SHC3: variants seen among roughly 807,000 people sequenced by gnomAD.
SHC3 encodes the protein SHC-transforming protein 3.
SHC3 carries 15 observed loss-of-function variants against 60.4 expected under a neutral mutation model. The observed-to-expected ratio is 0.25, with a 90% CI of 0.17 to 0.38. SHC3 has a LOEUF of 0.38. SHC3 is among the 10% of genes least tolerant of loss of function. The pLI is 1.00. For missense variants in SHC3, 677 were observed against 786.1 expected (o/e 0.86, Z 1.66); for synonymous variants, 294 against 325.9 (o/e 0.90, Z 1.05).
chr9:89,013,344 G>A lies in SHC3; in HGVS notation c.*103C>T. 7.5e-7 allele frequency: 1 copy of A among 1,338,966 alleles called. No individual in the cohort carries two copies. Among genetic ancestry groups the A allele is most frequent in the Non-Finnish European group, 9.7e-7 (1 of 1,026,374 alleles). The allele number at this position is 1,338,966 out of a possible 1,614,324, so 82.9% of individuals were successfully genotyped here. ...CTTCCTTTTGAAGCTTTTGAAGAAG[G>A]CTCTGAGCCACAGGCAGCTGTCCCA... On this transcript the variant is annotated 3_prime_UTR_variant, in exon 12 of 12. Transcript: ENST00000375835.
intron 1 of SHC3, among the ~76,000 whole-genome samples, chr9:89,140,510 A>T (rs1826378268): frequency 1.3e-5 from 2 of 152,196 alleles, no homozygotes. Context: ...AAGCATGCAC[A>T]GCTGAGTATT....
intron 1 of SHC3, among the ~76,000 whole-genome samples, chr9:89,149,945 C>T (rs1826522020): frequency 6.6e-6 from 1 of 152,184 alleles, no homozygotes. Flanking sequence ...CTATACTACC[C>T]ATCCCTTAGT....
chr9:89,130,669 G>A (rs746923387), intron 1 of SHC3, among the ~76,000 whole-genome samples: 11 of 152,078 alleles, frequency 7.2e-5, no homozygotes, highest in Non-Finnish European at 1.6e-4. Flanking sequence ...ATGACTACTG[G>A]GTACATAATG....
intron 2 of SHC3, among the ~76,000 whole-genome samples, chr9:89,094,828 G>A (rs977522128): frequency 1.1e-4 from 17 of 152,086 alleles, no homozygotes; most frequent in Non-Finnish European, 2.9e-5. Context: ...CATGCCCAGG[G>A]ACTTTGGGAT....
At chr9:89,047,201 T>G (rs554975238) in intron 7 of SHC3, among the ~76,000 whole-genome samples, 1 of 152,376 alleles carries the variant, frequency 6.6e-6, no homozygotes, top group Non-Finnish European at 1.5e-5. Context: ...TTGGAACATT[T>G]CAATCATGTT....
At chr9:89,049,645 G>T (rs971521416) in intron 7 of SHC3, among the ~76,000 whole-genome samples, 8 of 152,194 alleles carry the variant, frequency 5.3e-5, no homozygotes, top group African/African-American at 1.9e-4. Flanking sequence ...TTAGCCTAAA[G>T]CTACCTCCTT....
chr9:89,131,082 ACC>A (rs1826237372), intron 1 of SHC3, among the ~76,000 whole-genome samples: 1 of 152,234 alleles, frequency 6.6e-6, no homozygotes, highest in African/African-American at 2.4e-5. Context: ...GGATATCACC[ACC>A]TATCCCACAG....
intron 1 of SHC3, among the ~76,000 whole-genome samples, chr9:89,140,716 A>G (rs1826380795): frequency 6.6e-6 from 1 of 152,024 alleles, no homozygotes; most frequent in Admixed American, 6.6e-5. Context: ...TTTCATGAGG[A>G]AAAAAAAGAG....
At chr9:89,148,746 G>C (rs1826505287) in intron 1 of SHC3, among the ~76,000 whole-genome samples, 1 of 152,158 alleles carries the variant, frequency 6.6e-6, no homozygotes, top group Non-Finnish European at 1.5e-5. Flanking sequence ...TTGATTAACT[G>C]TTTCTATGTG....
At chr9:89,052,996 C>A (rs1180600750) in intron 6 of SHC3, among the ~76,000 whole-genome samples, 2 of 152,178 alleles carry the variant, frequency 1.3e-5, no homozygotes, top group African/African-American at 4.8e-5. Context: ...AAAAGAGGGC[C>A]AGCCTCTGCC....
intron 1 of SHC3, among the ~76,000 whole-genome samples, chr9:89,150,317 T>C (rs75668738): frequency 0.023 from 3,435 of 152,192 alleles, 58 homozygotes; most frequent in Middle Eastern, 0.071. Context: ...TATAGTCTTT[T>C]TTCATAATCC....
At chr9:89,018,678 T>C (rs1024954963) in intron 11 of SHC3, among the ~76,000 whole-genome samples, 1 of 150,774 alleles carries the variant, frequency 6.6e-6, no homozygotes. Flanking sequence ...AAGTAGTTTT[T>C]TTTTCTTTCT....
At chr9:89,081,952 G>C (rs1825451263) in intron 2 of SHC3, among the ~76,000 whole-genome samples, 1 of 152,062 alleles carries the variant, frequency 6.6e-6, no homozygotes, top group South Asian at 2.1e-4. Flanking sequence ...GAGAGGTCAG[G>C]GGTGGAGAGG....
At chr9:89,057,534 T>C (rs1329181192) in intron 6 of SHC3, among the ~76,000 whole-genome samples, 1 of 152,058 alleles carries the variant, frequency 6.6e-6, no homozygotes, top group Non-Finnish European at 1.5e-5. Context: ...CTTGGAATTA[T>C]AAAGTAAAAT....
chr9:89,017,283 C>T (rs1346219589), intron 11 of SHC3, among the ~76,000 whole-genome samples: 1 of 152,166 alleles, frequency 6.6e-6, no homozygotes, highest in East Asian at 1.9e-4. Context: ...CAGCACGGTA[C>T]TAGTACTGAA....
chr9:89,147,373 C>T (rs1268026532), intron 1 of SHC3, among the ~76,000 whole-genome samples: 1 of 152,092 alleles, frequency 6.6e-6, no homozygotes, highest in East Asian at 1.9e-4. Context: ...CTTCACCCAC[C>T]TTCTGCCCTT....
intron 2 of SHC3, among the ~76,000 whole-genome samples, chr9:89,096,010 C>T (rs112226805): frequency 0.014 from 2,123 of 152,156 alleles, 47 homozygotes; most frequent in African/African-American, 0.045. Flanking sequence ...GCTCTGTGGG[C>T]GTCTGGCCAC....
At chr9:89,112,900 T>C (rs1402760093) in intron 1 of SHC3, among the ~76,000 whole-genome samples, 1 of 152,208 alleles carries the variant, frequency 6.6e-6, no homozygotes, top group East Asian at 1.9e-4. Flanking sequence ...AAAGTTTTTA[T>C]GGAAGTATAA....
chr9:89,067,201 A>G (rs1018230156), intron 5 of SHC3, among the ~76,000 whole-genome samples: 3 of 152,208 alleles, frequency 2.0e-5, no homozygotes, highest in Non-Finnish European at 4.4e-5. Flanking sequence ...AGTTATTGGC[A>G]AAAACAAGGA....
Sources: gnomAD v4.1 joint callset for allele counts (sites outside exome capture counted in the v4.1 genomes callset) on GRCh38, gnomAD v4.1.1 for gene constraint, MANE v1.5 for transcripts, NCBI Gene and HGNC (gene_info 2026-07-23, HGNC 2026-07-21) for gene names.